The following EZR variants were observed in gnomAD, a reference collection of about 807,000 sequenced individuals.
The protein encoded by EZR is cytovillin 2.
In EZR, 40 loss-of-function variants were observed where a neutral mutation model predicts 74.8. The observed-to-expected ratio is 0.53, with a 90% CI of 0.42 to 0.70. EZR has a LOEUF of 0.70. Ranked by LOEUF, EZR falls within the 30% of genes least tolerant of loss-of-function variation. The probability of loss-of-function intolerance (pLI) is 0.00; values close to 1 mark genes in which losing one functional copy is unlikely to be tolerated. For missense variants in EZR, 678 were observed against 755.8 expected, an observed-to-expected ratio of 0.90 and a Z score of 1.21; for synonymous variants, 341 against 283.3, an observed-to-expected ratio of 1.20 and a Z score of -2.05.
intron 2 of EZR, among the ~76,000 whole-genome samples, chr6:158,805,727 C>T (rs867837556): frequency 2.0e-5 from 3 of 152,178 alleles, no homozygotes; most frequent in Admixed American, 6.5e-5. Flanking sequence ...TCAATTTATA[C>T]TGTCAGTATC....
At chr6:158,818,869 G>A (rs1777627849) in intron 1 of EZR, among the ~76,000 whole-genome samples, 1 of 150,326 alleles carries the variant, frequency 6.7e-6, no homozygotes, top group East Asian at 2.0e-4. Flanking sequence ...ACTCGCTGGG[G>A]AGGGATCCGT....
intron 7 of EZR, among the ~76,000 whole-genome samples, chr6:158,778,664 C>G (rs58502475): frequency 0.04 from 6,163 of 152,180 alleles, 406 homozygotes; most frequent in African/African-American, 0.14. Flanking sequence ...ATGGCTGATT[C>G]CAGGACTAGA....
intron 1 of EZR, 22 bp downstream of exon 1, chr6:158,819,295 C>T (rs1357278461): frequency 6.5e-6 from 1 of 153,110 alleles, no homozygotes; most frequent in Non-Finnish European, 1.5e-5. Flanking sequence ...CCCGTCCCGA[C>T]CCCGGCCGCC....
Position 158,785,731 on chromosome 6 carries a change from G to A in EZR, c.193-148C>T. The A allele has an allele frequency of 7.7e-6, 8 of 1,042,940 alleles. No homozygotes were observed. The Admixed American group carries it at 1.4e-4, about 18-fold the overall frequency. The allele number at this position is 1,042,940 out of a possible 1,614,324, so 64.6% of individuals were successfully genotyped here. A position where few individuals can be genotyped will look rare whatever the true frequency, so the allele number is the denominator to read the frequency against. On this transcript the variant is annotated intron_variant, in intron 4 of 13. Transcript: ENST00000367075. ...TTAAAGTCATCTTTTTAGCACTCCA[G>A]ACAAAAAAAGGTTAGTCAAAAGTGC... is the stretch of plus-strand genomic sequence containing the variant.
intron 2 of EZR, among the ~76,000 whole-genome samples, chr6:158,807,292 G>A (rs1246618657): frequency 6.8e-6 from 1 of 147,980 alleles, no homozygotes; most frequent in Non-Finnish European, 1.5e-5. Flanking sequence ...TCCAGCCTGG[G>A]CGACAGACAG....
chr6:158,784,619 C>T, intron 6 of EZR, 25 bp downstream of exon 6: 2 of 1,607,032 alleles, frequency 1.2e-6, no homozygotes, highest in Non-Finnish European at 1.7e-6. Context: ...ATGGCAAGAT[C>T]CCAACAGCAG....
chr6:158,813,923 T>C (rs1231888657), intron 2 of EZR, among the ~76,000 whole-genome samples: 1 of 152,164 alleles, frequency 6.6e-6, no homozygotes, highest in African/African-American at 2.4e-5. Flanking sequence ...ACTACAGCAG[T>C]GTTCCTTGCT....
chr6:158,771,932 A>G (rs1791123583), intron 8 of EZR, among the ~76,000 whole-genome samples: 1 of 151,556 alleles, frequency 6.6e-6, no homozygotes, highest in South Asian at 2.1e-4. Flanking sequence ...CCCCTCCCAC[A>G]CTGTTATTGC....
intron 6 of EZR, among the ~76,000 whole-genome samples, chr6:158,784,175 C>T (rs1477522812): frequency 5.3e-5 from 8 of 152,178 alleles, no homozygotes; most frequent in Non-Finnish European, 1.0e-4. Context: ...GACGAGAACA[C>T]CCAGAATCAG....
At chr6:158,771,023 C>CA in intron 9 of EZR, 129 bp from the exon 10 acceptor site, 1 of 1,435,322 alleles carries the variant, frequency 7.0e-7, no homozygotes, top group Non-Finnish European at 9.5e-7. Context: ...AGCCTGCTGC[C>CA]AGCCTGAGCT....
At chr6:158,803,688 GAAT>G (rs1777268642) in intron 2 of EZR, among the ~76,000 whole-genome samples, 2 of 138,938 alleles carry the variant, frequency 1.4e-5, no homozygotes, top group African/African-American at 2.7e-5. Flanking sequence ...AGAGAGTCCA[GAAT>G]AATAGCCACC....
intron 2 of EZR, among the ~76,000 whole-genome samples, chr6:158,798,500 C>T (rs1263579155): frequency 1.5e-4 from 23 of 152,332 alleles, no homozygotes; most frequent in Non-Finnish European, 2.5e-4. Context: ...TGCACTCTGC[C>T]GCCTTAGCCC....
rs560586599 is a variant in EZR, at chr6:158,799,452, T to C, written c.13-10081A>G. Among the ~76,000 whole-genome samples the C allele has an allele frequency of 6.6e-5, 10 of 152,372 alleles. No individual in the cohort carries two copies. The South Asian group carries it at 2.1e-3, about 32-fold the overall frequency. On this transcript the variant is annotated intron_variant, in intron 2 of 13. Coordinates refer to ENST00000367075, the MANE Select transcript of EZR (RefSeq NM_001111077.2). ...ATTTACCTCTGCTGATTTATAATCC[T>C]TTATATAAAAACATCCTTACTAAGT... is the stretch of plus-strand genomic sequence containing the variant.
In EZR at chr6:158,766,699, CGA is replaced by C; in HGVS notation, c.*213_*214del. The C allele has an allele frequency of 3.4e-6, 2 of 585,932 alleles. No individual in the cohort carries two copies. The highest frequency in any genetic ancestry group is 6.1e-6 in the Non-Finnish European group (2 of 329,158). The allele number at this position is 585,932 out of a possible 1,614,324, so 36.3% of individuals were successfully genotyped here. On this transcript the variant is annotated 3_prime_UTR_variant, in exon 14 of 14. Transcript: ENST00000367075. Reference sequence around the variant, plus strand: ...ACAGGAGGTGATTCGAGAATAATCGCGAGAATCAGGCCTGCTTGGCACTATTA... The same window carrying C: ...ACAGGAGGTGATTCGAGAATAATCGCGAATCAGGCCTGCTTGGCACTATTA...
chr6:158,786,657 CAA>C (rs5881287), intron 4 of EZR, among the ~76,000 whole-genome samples: 4,967 of 144,720 alleles, frequency 0.034, 100 homozygotes, highest in Middle Eastern at 0.053. Flanking sequence ...GTGGGGGTTT[CAA>C]AAAAAAAAAA....
chr6:158,818,212 G>T, intron 1 of EZR, 46 bp from the exon 2 acceptor site: 2 of 1,105,138 alleles, frequency 1.8e-6, no homozygotes, highest in Non-Finnish European at 2.5e-6. Context: ...GCCCTGCCTC[G>T]TCCTCCTGCC....
chr6:158,773,201 T>TG (rs1365407526), intron 8 of EZR, among the ~76,000 whole-genome samples: 2 of 151,978 alleles, frequency 1.3e-5, no homozygotes, highest in East Asian at 1.9e-4. Flanking sequence ...GGTGCATGGG[T>TG]GGGGGGATCA....
At position 158,766,974 on chromosome 6, in the gene EZR, C is replaced by G; in HGVS notation, c.1701G>C (p.Thr567=). 6.2e-7 allele frequency: 1 copy of G among 1,614,198 alleles called. No individual in the cohort carries two copies. The highest frequency in any genetic ancestry group is 8.5e-7 in the Non-Finnish European group (1 of 1,180,038). ...NMRQGRDKYK[T]LRQIRQGNTK... The stretch of plus-strand genomic sequence containing the variant: ...TGTTGCCCTGCCGGATCTGCCGCAG[C>G]GTCTTGTACTTGTCCCGGCCTTGCC... Residue 567 remains threonine, a synonymous_variant, in exon 14 of 14, where the codon ACG becomes ACC. Transcript: ENST00000367075.
chr6:158,774,669 TCAAACACACA>T (rs1443194894), intron 8 of EZR, among the ~76,000 whole-genome samples: 1 of 73,654 alleles, frequency 1.4e-5, no homozygotes, highest in African/African-American at 5.4e-5. Flanking sequence ...GGACTTATCA[TCAAACACACA>T]CACACACACA....
Sources: gnomAD v4.1 joint callset for allele counts (sites outside exome capture counted in the v4.1 genomes callset) on GRCh38, gnomAD v4.1.1 for gene constraint, MANE v1.5 for transcripts, NCBI Gene and HGNC (gene_info 2026-07-23, HGNC 2026-07-21) for gene names.